INPP5A: variants seen among roughly 807,000 people sequenced by gnomAD.
INPP5A encodes the protein inositol polyphosphate-5-phosphatase A, also known as 43 kDa inositol polyphosphate 5-phophatase.
Under a neutral mutation model 65.2 loss-of-function variants are expected in INPP5A, and 14 were observed. That is an observed-to-expected ratio of 0.21 (90% CI 0.14 to 0.34). The LOEUF (loss-of-function observed/expected upper bound fraction) is 0.34. Among genes scored for constraint, INPP5A ranks in the 10% least tolerant of loss-of-function variants. INPP5A has a pLI of 1.00. For synonymous variants in INPP5A, 207 were observed against 208.3 expected (o/e 0.99, Z 0.05); for missense variants, 431 against 545.6 (o/e 0.79, Z 2.09).
intron 1 of INPP5A, among the ~76,000 whole-genome samples, chr10:132,594,391 C>T (rs572611545): frequency 3.9e-4 from 59 of 151,040 alleles, no homozygotes; most frequent in Middle Eastern, 6.8e-3. Context: ...AGACTTCCTG[C>T]GTCGGTGGAA....
chr10:132,686,425 A>G (rs1210082013), intron 4 of INPP5A, among the ~76,000 whole-genome samples: 2 of 152,252 alleles, frequency 1.3e-5, no homozygotes, highest in Non-Finnish European at 2.9e-5. Flanking sequence ...TGTGACAGAC[A>G]TACTCTTGAC....
At chr10:132,635,068 T>C (rs1465626757) in intron 2 of INPP5A, among the ~76,000 whole-genome samples, 1 of 152,262 alleles carries the variant, frequency 6.6e-6, no homozygotes, top group Non-Finnish European at 1.5e-5. Flanking sequence ...TGGCAGCCAC[T>C]GGCCACCTGT....
chr10:132,594,872 T>C (rs1376162885), intron 1 of INPP5A, among the ~76,000 whole-genome samples: 4 of 152,220 alleles, frequency 2.6e-5, no homozygotes, highest in Admixed American at 2.6e-4. Flanking sequence ...GTCTGCCATT[T>C]GCCCTTTGTT....
At chr10:132,699,163 C>A (rs1845394962) in intron 6 of INPP5A, among the ~76,000 whole-genome samples, 1 of 152,206 alleles carries the variant, frequency 6.6e-6, no homozygotes, top group Non-Finnish European at 1.5e-5. Context: ...CCTGAAGGGG[C>A]CACCTGTGGT....
chr10:132,782,302 T>C lies in INPP5A; in HGVS notation c.*273T>C. On this transcript the variant is annotated 3_prime_UTR_variant, in exon 16 of 16. Coordinates refer to ENST00000368594, the MANE Select transcript of INPP5A (RefSeq NM_005539.5). This position sits in a 1 kb window ranked among gnomAD's most constrained non-coding sequence, Gnocchi z 4.4. Reference sequence around the variant, plus strand: ...CACAGTCCTGTTGTCAAAACTCTAATAGACAGCAAAGAGGGTCTGTACCGT... The same window carrying C: ...CACAGTCCTGTTGTCAAAACTCTAACAGACAGCAAAGAGGGTCTGTACCGT... The C allele has an allele frequency of 2.7e-6, 1 of 366,318 alleles. No homozygotes were observed. Among genetic ancestry groups the C allele is most frequent in the Non-Finnish European group, 5.3e-6 (1 of 189,972 alleles). 22.7% of individuals were successfully genotyped at this position (366,318 alleles called of 1,614,324 possible).
rs58711315 is a variant in INPP5A at position 132,768,079 on chromosome 10, C to A, written c.977+2233C>A. Among the ~76,000 whole-genome samples, 5 of 144,596 alleles carry A rather than the reference C, an allele frequency of 3.5e-5. No homozygotes were observed. In the East Asian group the frequency reaches 1.1e-3, roughly 30 times the overall value. The allele number at this position is 144,596 out of a possible 152,430, so 94.9% of individuals were successfully genotyped here. ...GGGTGCCCACGCACCCAATGGCATT[C>A]CAGAAAGATCCATGGACCCCAACCC... On this transcript the variant is annotated intron_variant, in intron 12 of 15. Coordinates refer to ENST00000368594, the MANE Select transcript of INPP5A (RefSeq NM_005539.5).
rs766614453 is a variant in INPP5A at position 132,547,773 on chromosome 10, G to A, written c.75+9602G>A. ...CCGCGTGCCCCCAGCCCTGTGACGC[G>A]CTCTTGGTGACTCACCAAGTGAGTC... On this transcript the variant is annotated intron_variant, in intron 1 of 15. Coordinates refer to ENST00000368594, the MANE Select transcript of INPP5A (RefSeq NM_005539.5). The surrounding 1 kb of genome is among the most constrained non-coding windows in gnomAD (Gnocchi z 5.5). Among the ~76,000 whole-genome samples the A allele has an allele frequency of 1.3e-5, 2 of 152,080 alleles. No individual in the cohort carries two copies. The highest frequency in any genetic ancestry group is 2.4e-5 in the African/African-American group (1 of 41,404).
intron 11 of INPP5A, among the ~76,000 whole-genome samples, chr10:132,755,675 T>C (rs1310179284): frequency 6.6e-6 from 1 of 151,950 alleles, no homozygotes; most frequent in East Asian, 1.9e-4. Context: ...TGTGTGCATG[T>C]GAGTGGGTGT....
chr10:132,543,639 A>G (rs2070934440), intron 1 of INPP5A, among the ~76,000 whole-genome samples: 2 of 152,372 alleles, frequency 1.3e-5, no homozygotes, highest in East Asian at 1.9e-4. Context: ...GCTAGTCTCA[A>G]AGTCCTGGCT....
chr10:132,656,555 G>T (rs1475941379), intron 4 of INPP5A, among the ~76,000 whole-genome samples: 4 of 152,188 alleles, frequency 2.6e-5, no homozygotes, highest in Non-Finnish European at 5.9e-5. Context: ...AGCAGAAGAG[G>T]GGGTTGGAGG....
Position 132,707,260 on chromosome 10 carries a change from C to T in INPP5A, c.475-1053C>T, listed in dbSNP as rs370581399. 7.2e-4 allele frequency among the ~76,000 whole-genome samples: 110 copies of T among 152,320 alleles called. No individual in the cohort carries two copies. The highest frequency in any genetic ancestry group is 2.6e-3 in the African/African-American group (107 of 41,570). ...GAACAGCAGCCCCTGTCCACCTCCG[C>T]CCCCGATGGCGCCAGGCATATGGCT... On this transcript the variant is annotated intron_variant, in intron 6 of 15. Coordinates refer to ENST00000368594, the MANE Select transcript of INPP5A (RefSeq NM_005539.5). The surrounding 1 kb of genome is among the most constrained non-coding windows in gnomAD (Gnocchi z 5.5).
Position 132,762,354 on chromosome 10 carries a change from T to C in INPP5A, c.904-3419T>C, listed in dbSNP as rs903626764. ...AGACGAAGAGAATATTTTTGAAGCA[T>C]TGTGGGAAAAATGTCCTATTACATA... On this transcript the variant is annotated intron_variant, in intron 11 of 15. Transcript: ENST00000368594. The surrounding 1 kb of genome is among the most constrained non-coding windows in gnomAD (Gnocchi z 4.6). Among the ~76,000 whole-genome samples the C allele has an allele frequency of 1.3e-5, 2 of 152,132 alleles. No individual in the cohort carries two copies. The highest frequency in any genetic ancestry group is 6.5e-5 in the Admixed American group (1 of 15,272).
At chr10:132,691,065 A>C (rs1323754293) in intron 5 of INPP5A, among the ~76,000 whole-genome samples, 1 of 152,222 alleles carries the variant, frequency 6.6e-6, no homozygotes, top group African/African-American at 2.4e-5. Flanking sequence ...TCCGGAGCAG[A>C]TGACATCCAT....
Position 132,712,651 on chromosome 10 carries a change from T to TGAGTGGGTATATGC in INPP5A, c.647+2196_647+2209dup, listed in dbSNP as rs1470322139. On this transcript the variant is annotated intron_variant, in intron 8 of 15. Transcript: ENST00000368594. ...GGGTATATGCATGTGTGGGTGCATG[T>TGAGTGGGTATATGC]GAGTGGGTATATGCATGTGTGGGTG... Among the ~76,000 whole-genome samples the TGAGTGGGTATATGC allele has an allele frequency of 3.9e-3, 584 of 150,688 alleles. 6 individuals are homozygous for TGAGTGGGTATATGC. The highest frequency in any genetic ancestry group is 4.9e-3 in the Non-Finnish European group (331 of 67,598).
At position 132,698,394 on chromosome 10, in the gene INPP5A, T is replaced by TA. The variant is rs1845379941; in HGVS notation, c.474+476dup. Among the ~76,000 whole-genome samples the TA allele has an allele frequency of 6.6e-6, 1 of 152,194 alleles. No individual in the cohort carries two copies. ...CTGCGAGCAGCAGGGTCCCGGCAGT[T>TA]ATGCCTGCGTCACACGGAGAGATTA... On this transcript the variant is annotated intron_variant, in intron 6 of 15. Coordinates refer to ENST00000368594, the MANE Select transcript of INPP5A (RefSeq NM_005539.5). This position sits in a 1 kb window ranked among gnomAD's most constrained non-coding sequence, Gnocchi z 5.5.
rs1217351483 is a variant in INPP5A, at chr10:132,555,171, T to TG, written c.75+17007dup. ...GGGTGGCATAGATGGCATGGTGGGG[T>TG]GGGGGGGTGTGGATGGCAAGCGGCA... is the stretch of plus-strand genomic sequence containing the variant. On this transcript the variant is annotated intron_variant, in intron 1 of 15. Transcript: ENST00000368594. The surrounding 1 kb of genome is among the most constrained non-coding windows in gnomAD (Gnocchi z 4.4). Among the ~76,000 whole-genome samples, 18 of 137,846 alleles carry TG rather than the reference T, an allele frequency of 1.3e-4. No individual in the cohort carries two copies. Among genetic ancestry groups the TG allele is most frequent in the East Asian group, 1.2e-3 (5 of 4,052 alleles). The allele number at this position is 137,846 out of a possible 152,430, so 90.4% of individuals were successfully genotyped here.
At chr10:132,559,659 C>T (rs553785616) in intron 1 of INPP5A, among the ~76,000 whole-genome samples, 1 of 146,900 alleles carries the variant, frequency 6.8e-6, no homozygotes. Context: ...ACGTGTGTTC[C>T]AGGGACCTCA....
In INPP5A at chr10:132,705,285, G is replaced by A. The variant is rs1324564887; in HGVS notation, c.475-3028G>A. On this transcript the variant is annotated intron_variant, in intron 6 of 15. Transcript: ENST00000368594. The surrounding 1 kb of genome is among the most constrained non-coding windows in gnomAD (Gnocchi z 4.9). ...CGGACATGTTTGGAATCAGAGACAA[G>A]TGTCTGGTGCAGCACGCAGGGAGCC... 2.0e-5 allele frequency among the ~76,000 whole-genome samples: 3 copies of A among 152,206 alleles called. No individual in the cohort carries two copies. The highest frequency in any genetic ancestry group is 2.0e-4 in the Admixed American group (3 of 15,286).
intron 2 of INPP5A, among the ~76,000 whole-genome samples, chr10:132,610,958 C>G (rs911653217): frequency 2.0e-5 from 3 of 152,158 alleles, no homozygotes; most frequent in African/African-American, 7.2e-5. Context: ...TCAGGAGGAT[C>G]TCAGGAGATG....
Sources: gnomAD v4.1 joint callset for allele counts (sites outside exome capture counted in the v4.1 genomes callset) on GRCh38, gnomAD v4.1.1 for gene constraint, Gnocchi (gnomAD v3.1) non-coding constraint, MANE v1.5 for transcripts, NCBI Gene and HGNC (gene_info 2026-07-23, HGNC 2026-07-21) for gene names.